Variants in PTPRT observed in about 807,000 individuals in gnomAD.
PTPRT encodes the protein receptor-type tyrosine-protein phosphatase T.
A neutral mutation model predicts 176.8 loss-of-function variants in PTPRT; 56 were observed. That is an observed-to-expected ratio of 0.32 (90% confidence interval 0.26 to 0.40). The LOEUF (loss-of-function observed/expected upper bound fraction) is 0.40. Ranked by LOEUF, PTPRT falls within the 10% of genes least tolerant of loss-of-function variation. The pLI is 1.00. For synonymous variants in PTPRT, 783 were observed against 739.0 expected, an observed-to-expected ratio of 1.06 and a Z score of -0.96; for missense variants, 1,540 against 1,908.2, an observed-to-expected ratio of 0.81 and a Z score of 3.60.
At chr20:42,857,112 G>A (rs573757769) in intron 2 of PTPRT, among the ~76,000 whole-genome samples, 7 of 152,268 alleles carry the variant, frequency 4.6e-5, no homozygotes, top group South Asian at 2.1e-4. Context: ...CATTCCCATC[G>A]GCAATGTACA....
At chr20:43,016,890 T>A (rs186903702) in intron 1 of PTPRT, among the ~76,000 whole-genome samples, 86 of 152,234 alleles carry the variant, frequency 5.6e-4, no homozygotes, top group African/African-American at 2.1e-3. Flanking sequence ...TGTCAGTCTC[T>A]CATTCTCTTT....
At chr20:42,797,230 C>T (rs1054983380) in intron 2 of PTPRT, among the ~76,000 whole-genome samples, 2 of 152,174 alleles carry the variant, frequency 1.3e-5, no homozygotes, top group Non-Finnish European at 2.9e-5. Context: ...TGACCATCTT[C>T]TTCCTTTCCA....
intron 1 of PTPRT, among the ~76,000 whole-genome samples, chr20:43,181,301 G>A (rs548512811): frequency 2.0e-5 from 3 of 152,156 alleles, no homozygotes; most frequent in African/African-American, 4.8e-5. Flanking sequence ...ATAGTGAGAC[G>A]ATAAAGCCAC....
At chr20:42,112,063 A>T (rs951823059) in intron 22 of PTPRT, among the ~76,000 whole-genome samples, 1 of 152,212 alleles carries the variant, frequency 6.6e-6, no homozygotes, top group African/African-American at 2.4e-5. Context: ...ATCTACATTA[A>T]GGCCTTTGGA....
intron 1 of PTPRT, among the ~76,000 whole-genome samples, chr20:43,162,488 C>G (rs1172264988): frequency 6.6e-6 from 1 of 152,208 alleles, no homozygotes; most frequent in Non-Finnish European, 1.5e-5. Context: ...ACACAACAAG[C>G]AAAGACTTAC....
chr20:42,664,839 A>T (rs540407597), intron 7 of PTPRT, among the ~76,000 whole-genome samples: 2 of 152,340 alleles, frequency 1.3e-5, no homozygotes, highest in African/African-American at 4.8e-5. Flanking sequence ...AAAAACAAGA[A>T]ATGGGGAAAT....
At chr20:42,552,570 G>A (rs1005309724) in intron 7 of PTPRT, among the ~76,000 whole-genome samples, 62 of 151,980 alleles carry the variant, frequency 4.1e-4, no homozygotes, top group Admixed American at 2.8e-3. Context: ...ACAATACATC[G>A]AAACCAAAAC....
chr20:42,355,963 T>C (rs567124703), intron 9 of PTPRT, among the ~76,000 whole-genome samples: 6 of 152,330 alleles, frequency 3.9e-5, no homozygotes, highest in Non-Finnish European at 7.4e-5. Flanking sequence ...CACTTACTTG[T>C]AATGAAACAC....
intron 1 of PTPRT, among the ~76,000 whole-genome samples, chr20:42,890,864 G>T: frequency 6.6e-6 from 1 of 152,122 alleles, no homozygotes; most frequent in East Asian, 1.9e-4. Flanking sequence ...GGGACCTGGT[G>T]GGAGATAATT....
intron 2 of PTPRT, among the ~76,000 whole-genome samples, chr20:42,839,908 C>T (rs1198485825): frequency 1.3e-5 from 2 of 152,176 alleles, no homozygotes; most frequent in Admixed American, 1.3e-4. Context: ...GACAATGAGA[C>T]TTTTTAGACA....
intron 1 of PTPRT, among the ~76,000 whole-genome samples, chr20:43,017,571 C>T (rs1985438454): frequency 6.6e-6 from 1 of 152,194 alleles, no homozygotes; most frequent in African/African-American, 2.4e-5. Flanking sequence ...TCACCCTCCC[C>T]ACCTCTCCTC....
At chr20:42,414,991 G>A (rs2059052078) in intron 9 of PTPRT, among the ~76,000 whole-genome samples, 1 of 152,158 alleles carries the variant, frequency 6.6e-6, no homozygotes. Flanking sequence ...AGTACAGAAG[G>A]TGAAACTGTA....
chr20:42,508,127 T>TGTGTGTGTGTGTG (rs1555871976), intron 7 of PTPRT, among the ~76,000 whole-genome samples: 11,477 of 146,502 alleles, frequency 0.078, 909 homozygotes, highest in African/African-American at 0.21. Flanking sequence ...ATTACCCTTT[T>TGTGTGTGTGTGTG]TGTGTGTGTG....
At chr20:42,487,874 C>T (rs1035292316) in intron 7 of PTPRT, among the ~76,000 whole-genome samples, 16 of 152,206 alleles carry the variant, frequency 1.1e-4, no homozygotes, top group Admixed American at 7.2e-4. Context: ...TTTATTGACA[C>T]TCTTCACTTT....
chr20:42,251,885 A>C (rs1013129394), intron 13 of PTPRT, among the ~76,000 whole-genome samples: 5 of 152,190 alleles, frequency 3.3e-5, no homozygotes, highest in African/African-American at 1.2e-4. Context: ...GCACCATTTA[A>C]GTGTTATTCA....
chr20:42,163,535 G>C (rs1989700320), intron 16 of PTPRT, among the ~76,000 whole-genome samples: 1 of 152,148 alleles, frequency 6.6e-6, no homozygotes, highest in Admixed American at 6.5e-5. Context: ...GGTTTCATGA[G>C]TTCGACTTAC....
At chr20:42,868,315 A>G (rs1268880940) in intron 2 of PTPRT, among the ~76,000 whole-genome samples, 1 of 152,218 alleles carries the variant, frequency 6.6e-6, no homozygotes, top group Non-Finnish European at 1.5e-5. Flanking sequence ...TCTCTGACAG[A>G]AACAAGAAAT....
chr20:42,734,220 C>T (rs546164704), intron 6 of PTPRT, among the ~76,000 whole-genome samples: 15 of 152,286 alleles, frequency 9.8e-5, no homozygotes, highest in South Asian at 6.2e-4. Flanking sequence ...GACTGGGATC[C>T]TCATAGACCT....
intron 1 of PTPRT, among the ~76,000 whole-genome samples, chr20:43,110,718 A>C (rs1176589082): frequency 1.3e-5 from 2 of 152,244 alleles, no homozygotes; most frequent in Non-Finnish European, 2.9e-5. Flanking sequence ...GTGGGGAGGT[A>C]GACAGCTTAG....
Sources: gnomAD v4.1 joint callset for allele counts (sites outside exome capture counted in the v4.1 genomes callset) on GRCh38, gnomAD v4.1.1 for gene constraint, MANE v1.5 for transcripts, NCBI Gene and HGNC (gene_info 2026-07-23, HGNC 2026-07-21) for gene names.